UNC5D: variants seen among roughly 807,000 people sequenced by gnomAD.
The protein encoded by UNC5D is unc-5 netrin receptor D, also known as netrin receptor UNC5D.
UNC5D carries 39 observed loss-of-function variants against 105.4 expected under a neutral mutation model. The ratio of observed to expected loss-of-function variants is 0.37; its 90% CI spans 0.29 to 0.48. The LOEUF (loss-of-function observed/expected upper bound fraction) is 0.48. Ranked by LOEUF, UNC5D falls within the 20% of genes least tolerant of loss-of-function variation. The pLI, the probability that UNC5D is intolerant of heterozygous loss-of-function variation, is 0.98. For missense variants in UNC5D, 991 were observed against 1,202.4 expected, an observed-to-expected ratio of 0.82 and a Z score of 2.60; for synonymous variants, 452 against 450.4, an observed-to-expected ratio of 1.00 and a Z score of -0.04.
chr8:35,762,421 G>A (rs892879470), intron 14 of UNC5D, among the ~76,000 whole-genome samples: 4 of 152,142 alleles, frequency 2.6e-5, no homozygotes, highest in African/African-American at 7.2e-5. Flanking sequence ...AGTAGGAAAG[G>A]CTATGTCAGC....
chr8:35,270,079 G>T (rs1213045087), intron 1 of UNC5D, among the ~76,000 whole-genome samples: 1 of 152,088 alleles, frequency 6.6e-6, no homozygotes, highest in African/African-American at 2.4e-5. Flanking sequence ...TAATTGAGAG[G>T]GAAGGACAAG....
intron 1 of UNC5D, among the ~76,000 whole-genome samples, chr8:35,468,932 C>T (rs1472324073): frequency 6.6e-6 from 1 of 152,114 alleles, no homozygotes; most frequent in East Asian, 1.9e-4. Context: ...CAAGAGAGCC[C>T]TTGCTAATTG....
chr8:35,359,904 G>A (rs1180129638), intron 1 of UNC5D, among the ~76,000 whole-genome samples: 2 of 152,178 alleles, frequency 1.3e-5, no homozygotes, highest in Non-Finnish European at 1.5e-5. Flanking sequence ...CTTTAATGCA[G>A]TGAGCCAAAT....
intron 1 of UNC5D, among the ~76,000 whole-genome samples, chr8:35,380,101 G>GGC: frequency 5.5e-5 from 7 of 126,138 alleles, no homozygotes; most frequent in African/African-American, 1.6e-4. Flanking sequence ...GGGGGGGTCG[G>GGC]GGAGAGAGAG....
At chr8:35,635,685 A>T (rs913014530) in intron 4 of UNC5D, among the ~76,000 whole-genome samples, 2 of 152,186 alleles carry the variant, frequency 1.3e-5, no homozygotes, top group African/African-American at 4.8e-5. Context: ...TTTATTTGTA[A>T]TTTATACCCT....
chr8:35,278,118 A>C (rs1245396419), intron 1 of UNC5D, among the ~76,000 whole-genome samples: 1 of 152,128 alleles, frequency 6.6e-6, no homozygotes, highest in African/African-American at 2.4e-5. Flanking sequence ...TCCATCCTTC[A>C]TTCCTGGTGA....
Position 35,517,062 on chromosome 8 carries a change from T to A in UNC5D, c.104-32230T>A, listed in dbSNP as rs574160970. Among the ~76,000 whole-genome samples the A allele has an allele frequency of 3.9e-5, 6 of 152,356 alleles. No homozygotes were observed. In the South Asian group the frequency reaches 1.2e-3, roughly 32 times the overall value. The stretch of plus-strand genomic sequence containing the variant: ...TACAATCATTTTGGTACAAGAGTTT[T>A]TAAAGCACTGATTGAAGACTTTGAT... On this transcript the variant is annotated intron_variant, in intron 1 of 16. Transcript: ENST00000404895.
chr8:35,684,422 C>A (rs2131343109), intron 5 of UNC5D, among the ~76,000 whole-genome samples, 160 bp from the exon 6 acceptor site: 1 of 152,246 alleles, frequency 6.6e-6, no homozygotes, highest in East Asian at 1.9e-4. Flanking sequence ...GAGATGACTC[C>A]CCCACTGTTG....
At chr8:35,323,046 A>G (rs1809868047) in intron 1 of UNC5D, among the ~76,000 whole-genome samples, 1 of 152,164 alleles carries the variant, frequency 6.6e-6, no homozygotes, top group South Asian at 2.1e-4. Flanking sequence ...ACCTTCACAT[A>G]TATCAGAATT....
At chr8:35,610,835 G>A (rs529958007) in intron 4 of UNC5D, among the ~76,000 whole-genome samples, 1 of 152,126 alleles carries the variant, frequency 6.6e-6, no homozygotes, top group Non-Finnish European at 1.5e-5. Context: ...GGAAATGATA[G>A]AAATAGAACC....
chr8:35,494,574 T>A (rs1394295837), intron 1 of UNC5D, among the ~76,000 whole-genome samples: 1 of 152,160 alleles, frequency 6.6e-6, no homozygotes, highest in African/African-American at 2.4e-5. Context: ...TTACAAATAG[T>A]GACCATGATG....
intron 4 of UNC5D, among the ~76,000 whole-genome samples, chr8:35,617,121 G>A (rs572130807): frequency 2.0e-4 from 30 of 152,200 alleles, no homozygotes; most frequent in African/African-American, 7.0e-4. Context: ...GACTGCCTTT[G>A]TTTCTTAGGC....
At chr8:35,411,460 G>A (rs913045986) in intron 1 of UNC5D, among the ~76,000 whole-genome samples, 2 of 152,046 alleles carry the variant, frequency 1.3e-5, no homozygotes, top group Non-Finnish European at 2.9e-5. Context: ...TTTTTATGGG[G>A]CAGAGATTTT....
At chr8:35,352,475 AAAG>A (rs533040027) in intron 1 of UNC5D, among the ~76,000 whole-genome samples, 39 of 152,128 alleles carry the variant, frequency 2.6e-4, no homozygotes, top group Admixed American at 5.9e-4. Context: ...TCTTTAGAGA[AAAG>A]AAGTTATTTC....
intron 1 of UNC5D, among the ~76,000 whole-genome samples, chr8:35,507,362 T>A (rs1812398039): frequency 6.6e-6 from 1 of 152,168 alleles, no homozygotes; most frequent in Admixed American, 6.5e-5. Flanking sequence ...CCCAGGGCTT[T>A]TCTTATCAGT....
chr8:35,502,890 C>T (rs1468668998), intron 1 of UNC5D, among the ~76,000 whole-genome samples: 3 of 152,114 alleles, frequency 2.0e-5, no homozygotes, highest in Non-Finnish European at 2.9e-5. Flanking sequence ...ATTTCATCCT[C>T]ACAGAAAGGA....
At chr8:35,680,054 A>T (rs1348473099) in intron 4 of UNC5D, among the ~76,000 whole-genome samples, 11 of 152,156 alleles carry the variant, frequency 7.2e-5, no homozygotes. Flanking sequence ...CCATTAATTC[A>T]TTAATCCATT....
At chr8:35,363,544 G>C (rs748191672) in intron 1 of UNC5D, among the ~76,000 whole-genome samples, 4 of 152,126 alleles carry the variant, frequency 2.6e-5, no homozygotes, top group Non-Finnish European at 5.9e-5. Flanking sequence ...CTTCAGGGTT[G>C]TATTTAGATT....
chr8:35,402,817 T>C (rs1804557191), intron 1 of UNC5D, among the ~76,000 whole-genome samples: 1 of 152,140 alleles, frequency 6.6e-6, no homozygotes, highest in Non-Finnish European at 1.5e-5. Flanking sequence ...TTGAGTACTG[T>C]GGCCCTTAAG....
Sources: allele counts gnomAD v4.1 joint callset (sites outside exome capture counted in the v4.1 genomes callset), GRCh38; gene constraint gnomAD v4.1.1; transcripts MANE v1.5; gene names NCBI Gene and HGNC (gene_info 2026-07-23, HGNC 2026-07-21).